RAP1B: variants seen among roughly 807,000 people sequenced by gnomAD.
RAP1B encodes the protein RAP1B, member of RAS oncogene family.
Under a neutral mutation model 27.5 loss-of-function variants are expected in RAP1B, and 1 was observed. The ratio of observed to expected loss-of-function variants is 0.04; its 90% CI spans 0.01 to 0.17. The LOEUF (loss-of-function observed/expected upper bound fraction) is 0.17. RAP1B is among the 10% of genes least tolerant of loss of function. RAP1B has a pLI of 1.00. For synonymous variants in RAP1B, 75 were observed against 73.1 expected (o/e 1.03, Z -0.13); for missense variants, 84 against 214.8 (o/e 0.39, Z 3.81).
At chr12:68,613,195 A>G (rs1426319704) in intron 1 of RAP1B, among the ~76,000 whole-genome samples, 1 of 152,060 alleles carries the variant, frequency 6.6e-6, no homozygotes, top group African/African-American at 2.4e-5. Context: ...CCCCGTCTTT[A>G]CTAAAAATAC....
At chr12:68,612,111 A>G (rs2135902702) in intron 1 of RAP1B, among the ~76,000 whole-genome samples, 3 of 152,358 alleles carry the variant, frequency 2.0e-5, no homozygotes, top group Middle Eastern at 6.8e-3. Context: ...TACGGGGTAG[A>G]AAGTTGACAC....
rs544304937 is a variant in RAP1B, at chr12:68,647,299, C to T, written c.-26-1400C>T. On this transcript the variant is annotated intron_variant, in intron 1 of 7. Transcript: ENST00000250559. ...CCTGTAATCCCAGCACTTTGGGAGG[C>T]CGAGGCAGGTGGATCATGAGGTCAA... 2.0e-3 allele frequency among the ~76,000 whole-genome samples: 292 copies of T among 142,742 alleles called. 2 individuals are homozygous for T. Among genetic ancestry groups the T allele is most frequent in the African/African-American group, 7.3e-3 (285 of 39,258 alleles). 93.6% of individuals were successfully genotyped at this position (142,742 alleles called of 152,430 possible). A position where few individuals can be genotyped will look rare whatever the true frequency, so the allele number is the denominator to read the frequency against.
At chr12:68,647,374 CACT>C (rs1382494198) in intron 1 of RAP1B, among the ~76,000 whole-genome samples, 133 of 39,366 alleles carry the variant, frequency 3.4e-3, no homozygotes, top group Non-Finnish European at 4.7e-3. Context: ...CCCTGCCCCC[CACT>C]CCACTCCCCG....
At chr12:68,626,827 A>T in intron 1 of RAP1B, 2 of 1,545,720 alleles carry the variant, frequency 1.3e-6, no homozygotes, top group South Asian at 2.3e-5. Context: ...AGGAAGTAGA[A>T]TTTATTGGTG....
At chr12:68,615,416 G>A (rs1303337421) in intron 1 of RAP1B, among the ~76,000 whole-genome samples, 4 of 151,792 alleles carry the variant, frequency 2.6e-5, no homozygotes, top group Non-Finnish European at 5.9e-5. Flanking sequence ...TGTGATATCA[G>A]TATACAATTC....
chr12:68,646,805 G>C (rs1209876301), intron 1 of RAP1B, among the ~76,000 whole-genome samples: 2 of 152,210 alleles, frequency 1.3e-5, no homozygotes, highest in Non-Finnish European at 2.9e-5. Flanking sequence ...GTTTGTACAA[G>C]TAGCCTCATC....
At chr12:68,643,674 T>TA (rs1319868988) in intron 1 of RAP1B, among the ~76,000 whole-genome samples, 2 of 152,192 alleles carry the variant, frequency 1.3e-5, no homozygotes, top group Non-Finnish European at 2.9e-5. Flanking sequence ...ATTTTATAGT[T>TA]ACTCTATGAG....
chr12:68,655,920 G>GT (rs1180454863), intron 5 of RAP1B, among the ~76,000 whole-genome samples: 8 of 152,078 alleles, frequency 5.3e-5, no homozygotes, highest in African/African-American at 1.2e-4. Context: ...AAATTTTAAG[G>GT]TTTTTTCCCC....
rs892363947 is a variant in RAP1B at position 68,660,759 on chromosome 12, A to C, written c.*1510A>C. The stretch of plus-strand genomic sequence containing the variant: ...TTTTCCTTGAGAAATAATTTTGTAA[A>C]TCAAGCAGTATTACTTACGAATAAA... On this transcript the variant is annotated 3_prime_UTR_variant, in exon 8 of 8. Transcript: ENST00000250559. 2 of 152,216 alleles carry C rather than the reference A, an allele frequency of 1.3e-5. No homozygotes were observed. Among genetic ancestry groups the C allele is most frequent in the African/African-American group, 4.8e-5 (2 of 41,456 alleles). 9.4% of individuals were successfully genotyped at this position (152,216 alleles called of 1,614,324 possible).
intron 5 of RAP1B, among the ~76,000 whole-genome samples, chr12:68,655,155 TTAA>T (rs1565674132): frequency 6.7e-6 from 1 of 149,804 alleles, no homozygotes; most frequent in East Asian, 1.9e-4. Flanking sequence ...TACCAGAAAT[TTAA>T]AAAAAAAAAA....
chr12:68,647,850 T>C (rs1016191284), intron 1 of RAP1B: 1 of 152,190 alleles, frequency 6.6e-6, no homozygotes, highest in Non-Finnish European at 1.5e-5. Context: ...AAATTGTTAT[T>C]AGTTGATTAA....
intron 1 of RAP1B, among the ~76,000 whole-genome samples, chr12:68,646,902 G>T (rs933552794): frequency 2.0e-4 from 30 of 152,050 alleles, no homozygotes; most frequent in Admixed American, 1.9e-3. Context: ...CTCAACCATT[G>T]TAGATTTTTT....
Sources: gnomAD v4.1 joint callset for allele counts (sites outside exome capture counted in the v4.1 genomes callset) on GRCh38, gnomAD v4.1.1 for gene constraint, MANE v1.5 for transcripts, NCBI Gene and HGNC (gene_info 2026-07-23, HGNC 2026-07-21) for gene names.